MEF2C: variants seen among roughly 807,000 people sequenced by gnomAD.
The protein encoded by MEF2C is myocyte enhancer factor 2C, also known as myocyte-specific enhancer factor 2C.
MEF2C carries 6 observed loss-of-function variants against 50.5 expected under a neutral mutation model. The ratio of observed to expected loss-of-function variants is 0.12; its 90% CI spans 0.07 to 0.23. The LOEUF (loss-of-function observed/expected upper bound fraction) is 0.23. Ranked by LOEUF, MEF2C falls within the 10% of genes least tolerant of loss-of-function variation. MEF2C has a pLI of 1.00. For missense variants in MEF2C, 276 were observed against 605.0 expected (o/e 0.46, Z 5.70); for synonymous variants, 183 against 228.0 (o/e 0.80, Z 1.78).
chr5:88,881,885 A>G (rs1832994780), intron 1 of MEF2C, among the ~76,000 whole-genome samples: 1 of 152,188 alleles, frequency 6.6e-6, no homozygotes, highest in Non-Finnish European at 1.5e-5. Context: ...GCAATTCTCC[A>G]CTGAGGACCG....
At chr5:88,832,083 C>T (rs1561252029) in intron 1 of MEF2C, among the ~76,000 whole-genome samples, 1 of 152,120 alleles carries the variant, frequency 6.6e-6, no homozygotes. Flanking sequence ...ACATTAGCTC[C>T]AGACACAGTG....
At chr5:88,735,751 A>G in intron 6 of MEF2C, 9 of 985,204 alleles carry the variant, frequency 9.1e-6, no homozygotes, top group Non-Finnish European at 1.1e-5. Flanking sequence ...TTTTTTATTG[A>G]CTCCTATTTT....
At chr5:88,757,600 C>T (rs892464733) in intron 4 of MEF2C, among the ~76,000 whole-genome samples, 2 of 152,082 alleles carry the variant, frequency 1.3e-5, no homozygotes, top group African/African-American at 4.8e-5. Context: ...TAATTAACTA[C>T]AGAAGCTAAA....
intron 5 of MEF2C, 160 bp from the exon 6 acceptor site, chr5:88,749,277 GCT>G: frequency 1.1e-6 from 1 of 929,708 alleles, no homozygotes; most frequent in Non-Finnish European, 1.3e-6. Context: ...ATTGTGCCAT[GCT>G]GTGCTCAAAC....
chr5:88,878,887 T>C (rs924386205), intron 1 of MEF2C, among the ~76,000 whole-genome samples: 1 of 152,044 alleles, frequency 6.6e-6, no homozygotes, highest in East Asian at 1.9e-4. Flanking sequence ...TATTTACCTA[T>C]GTTTCTCACT....
At chr5:88,864,309 T>C (rs1826525776) in intron 1 of MEF2C, among the ~76,000 whole-genome samples, 1 of 151,578 alleles carries the variant, frequency 6.6e-6, no homozygotes, top group Non-Finnish European at 1.5e-5. Context: ...CCTATCAATA[T>C]ATACAGTTAT....
chr5:88,798,324 C>T (rs1161681779), intron 3 of MEF2C, among the ~76,000 whole-genome samples: 1 of 152,008 alleles, frequency 6.6e-6, no homozygotes, highest in South Asian at 2.1e-4. Context: ...TTCTTGGAGG[C>T]TTTGTTCATT....
chr5:88,777,549 G>T (rs576468018), intron 3 of MEF2C, among the ~76,000 whole-genome samples: 5 of 152,172 alleles, frequency 3.3e-5, no homozygotes, highest in Non-Finnish European at 5.9e-5. Flanking sequence ...CGTCTGCAAG[G>T]TTGTTTAACA....
rs564409306 is a variant in MEF2C, at chr5:88,719,942, T to A, written c.*2662A>T. 2.0e-5 allele frequency: 3 copies of A among 152,306 alleles called. No homozygotes were observed. In the East Asian group the frequency reaches 5.8e-4, roughly 29 times the overall value. The allele number at this position is 152,306 out of a possible 1,614,324, so 9.4% of individuals were successfully genotyped here. On this transcript the variant is annotated 3_prime_UTR_variant, in exon 11 of 11. Transcript: ENST00000504921. ...GCTTCTGCTGGTACTTTAGCTTACT[T>A]TATCTTCAGCATTAAAAATTCACTT...
intron 3 of MEF2C, among the ~76,000 whole-genome samples, chr5:88,796,793 A>T (rs1194677770): frequency 6.6e-6 from 1 of 152,114 alleles, no homozygotes; most frequent in East Asian, 1.9e-4. Context: ...ACACTGCTTT[A>T]GTTGTGTCTC....
chr5:88,859,107 T>G (rs1824572725), intron 1 of MEF2C, among the ~76,000 whole-genome samples: 1 of 152,246 alleles, frequency 6.6e-6, no homozygotes, highest in Admixed American at 6.5e-5. Flanking sequence ...CCATATGGCT[T>G]CTTACTATTT....
At chr5:88,740,820 C>T (rs1766344590) in intron 6 of MEF2C, 1 of 985,224 alleles carries the variant, frequency 1.0e-6, no homozygotes, top group Non-Finnish European at 1.2e-6. Flanking sequence ...ATTTATGACT[C>T]ATTTAATTGT....
rs1835652895 is a variant in MEF2C at position 88,901,568 on chromosome 5, T to C, written c.-240+2348A>G. ...CAATTTTTCTCCACTGTAAATAAGCTATCTGTAAGATAGGAAGATAACTTG... is the reference window on the plus strand; with the variant it reads ...CAATTTTTCTCCACTGTAAATAAGCCATCTGTAAGATAGGAAGATAACTTG... On this transcript the variant is annotated intron_variant, in intron 1 of 11. Coordinates refer to the MEF2C transcript ENST00000340208. Among the ~76,000 whole-genome samples the C allele has an allele frequency of 6.6e-5, 10 of 151,100 alleles. No homozygotes were observed. In the South Asian group the frequency reaches 2.1e-3, roughly 32 times the overall value.
intron 3 of MEF2C, chr5:88,771,392 C>G: frequency 1.0e-6 from 1 of 973,130 alleles, no homozygotes; most frequent in South Asian, 4.8e-5. Context: ...TGTCCTAGGA[C>G]ACCCTATTAC....
intron 1 of MEF2C, among the ~76,000 whole-genome samples, chr5:88,855,458 A>C (rs927189323): frequency 2.0e-5 from 3 of 152,208 alleles, no homozygotes; most frequent in African/African-American, 7.2e-5. Context: ...AGTTAGTTGG[A>C]TAATTTAAAA....
chr5:88,832,777 A>C (rs1348574971), intron 1 of MEF2C, among the ~76,000 whole-genome samples: 1 of 152,172 alleles, frequency 6.6e-6, no homozygotes, highest in Non-Finnish European at 1.5e-5. Context: ...TGAAGGCTTT[A>C]ATCAATTACC....
Position 88,719,887 on chromosome 5 carries a change from C to T in MEF2C, c.*2717G>A, listed in dbSNP as rs180954086. 2 of 152,174 alleles carry T rather than the reference C, an allele frequency of 1.3e-5. No individual in the cohort carries two copies. The highest frequency in any genetic ancestry group is 2.9e-5 in the Non-Finnish European group (2 of 68,014). 9.4% of individuals were successfully genotyped at this position (152,174 alleles called of 1,614,324 possible). A position where few individuals can be genotyped will look rare whatever the true frequency, so the allele number is the denominator to read the frequency against. ...CTGTTCTCTTCATGTTCTTATAAAA[C>T]TATTGTCAGAACTGCTATAAATAGC... is the stretch of plus-strand genomic sequence containing the variant. On this transcript the variant is annotated 3_prime_UTR_variant, in exon 11 of 11. Transcript: ENST00000504921.
intron 1 of MEF2C, chr5:88,825,587 T>C: frequency 2.0e-6 from 2 of 982,210 alleles, no homozygotes; most frequent in Non-Finnish European, 2.4e-6. Context: ...GAAATCACAT[T>C]AAAATATGAA....
Position 88,804,563 on chromosome 5 carries a change from C to A in MEF2C, c.258+35G>T, listed in dbSNP as rs773372994. The A allele has an allele frequency of 8.1e-6, 13 of 1,604,974 alleles. No individual in the cohort carries two copies. In the Admixed American group the frequency reaches 1.8e-4, roughly 23 times the overall value. On this transcript the variant is annotated intron_variant, in intron 3 of 10. Transcript: ENST00000504921. ...GGGGAGGTCCAAACTCCCCTGCTTG[C>A]GGAGGCTTGGGGCTCACCACGCATG...
Sources: gnomAD v4.1 joint callset for allele counts (sites outside exome capture counted in the v4.1 genomes callset) on GRCh38, gnomAD v4.1.1 for gene constraint, MANE v1.5 for transcripts, NCBI Gene and HGNC (gene_info 2026-07-23, HGNC 2026-07-21) for gene names.